ARHGEF28: variants seen among roughly 807,000 people sequenced by gnomAD.
The protein encoded by ARHGEF28 is Rho guanine nucleotide exchange factor 28.
ARHGEF28 carries 152 observed loss-of-function variants against 206.6 expected under a neutral mutation model. The observed-to-expected ratio is 0.74, with a 90% confidence interval of 0.64 to 0.84. The LOEUF (loss-of-function observed/expected upper bound fraction) is 0.84. Ranked by LOEUF, ARHGEF28 falls within the 40% of genes least tolerant of loss-of-function variation. The probability of loss-of-function intolerance (pLI) is 0.00; values close to 1 mark genes in which losing one functional copy is unlikely to be tolerated. For synonymous variants in ARHGEF28, 763 were observed against 776.4 expected, an observed-to-expected ratio of 0.98 and a Z score of 0.29; for missense variants, 2,028 against 2,073.2, an observed-to-expected ratio of 0.98 and a Z score of 0.42.
chr5:73,711,128 T>C (rs527663963), intron 2 of ARHGEF28, among the ~76,000 whole-genome samples: 11 of 152,340 alleles, frequency 7.2e-5, no homozygotes, highest in African/African-American at 1.4e-4. Flanking sequence ...CTGATTTTAT[T>C]ATTTTAACGT....
intron 35 of ARHGEF28, among the ~76,000 whole-genome samples, chr5:73,921,116 G>C (rs554115534): frequency 6.6e-6 from 1 of 152,150 alleles, no homozygotes; most frequent in Non-Finnish European, 1.5e-5. Flanking sequence ...TATTTGTTTA[G>C]TTAAATATGC....
intron 15 of ARHGEF28, 125 bp from the exon 16 acceptor site, chr5:73,857,962 A>C: frequency 7.0e-7 from 1 of 1,432,948 alleles, no homozygotes; most frequent in Non-Finnish European, 9.4e-7. Context: ...CTCTGTGTGC[A>C]GTCCTTATAT....
At chr5:73,650,038 C>T (rs1398694715) in intron 1 of ARHGEF28, among the ~76,000 whole-genome samples, 4 of 152,106 alleles carry the variant, frequency 2.6e-5, no homozygotes, top group African/African-American at 9.7e-5. Flanking sequence ...AATCCCACTG[C>T]CAGGGTTGTG....
chr5:73,768,073 A>G (rs1753005289), intron 4 of ARHGEF28, among the ~76,000 whole-genome samples: 1 of 152,228 alleles, frequency 6.6e-6, no homozygotes, highest in African/African-American at 2.4e-5. Context: ...ACAGAAGTCA[A>G]GAATTGAGGT....
At chr5:73,823,806 A>C (rs1756735313) in intron 9 of ARHGEF28, among the ~76,000 whole-genome samples, 1 of 152,238 alleles carries the variant, frequency 6.6e-6, no homozygotes, top group Non-Finnish European at 1.5e-5. Context: ...TTTGAACTAC[A>C]TAGCAGAGTG....
intron 7 of ARHGEF28, among the ~76,000 whole-genome samples, chr5:73,791,921 G>C (rs556233838): frequency 6.6e-6 from 1 of 152,260 alleles, no homozygotes; most frequent in East Asian, 1.9e-4. Context: ...TCTGCTAAAG[G>C]TTGCTATAGC....
At chr5:73,825,445 G>A (rs556565473) in intron 9 of ARHGEF28, among the ~76,000 whole-genome samples, 2 of 152,282 alleles carry the variant, frequency 1.3e-5, no homozygotes, top group South Asian at 4.1e-4. Context: ...CAGGGCTTCC[G>A]AGAGGCTGGG....
intron 7 of ARHGEF28, 77 bp from the exon 8 acceptor site, chr5:73,794,323 TAC>T: frequency 8.1e-7 from 1 of 1,228,614 alleles, no homozygotes. Context: ...GCAACTCATT[TAC>T]ACTTGTCAGC....
At chr5:73,760,487 G>T (rs996962208) in intron 4 of ARHGEF28, among the ~76,000 whole-genome samples, 1 of 152,086 alleles carries the variant, frequency 6.6e-6, no homozygotes, top group African/African-American at 2.4e-5. Flanking sequence ...CACCTTTTCT[G>T]ACATTTCAAG....
intron 1 of ARHGEF28, among the ~76,000 whole-genome samples, chr5:73,632,886 T>A (rs1743457376): frequency 6.6e-6 from 1 of 152,130 alleles, no homozygotes; most frequent in Non-Finnish European, 1.5e-5. Context: ...GGGGATGGTT[T>A]CAGGATGATT....
intron 2 of ARHGEF28, among the ~76,000 whole-genome samples, chr5:73,718,192 A>G (rs1471447880): frequency 6.6e-6 from 1 of 152,128 alleles, no homozygotes; most frequent in Non-Finnish European, 1.5e-5. Flanking sequence ...TTTGGTATGT[A>G]TACTAGTTAG....
intron 33 of ARHGEF28, among the ~76,000 whole-genome samples, chr5:73,907,230 G>A (rs1477104327): frequency 6.6e-6 from 1 of 152,130 alleles, no homozygotes; most frequent in Non-Finnish European, 1.5e-5. Context: ...ATTAACTTGG[G>A]GGATGAAAAC....
intron 35 of ARHGEF28, among the ~76,000 whole-genome samples, chr5:73,922,353 G>A (rs1169936401): frequency 6.6e-6 from 1 of 152,238 alleles, no homozygotes; most frequent in Non-Finnish European, 1.5e-5. Flanking sequence ...GATTCAGAAA[G>A]GAGACATGTT....
At chr5:73,876,233 G>C (rs1044172638) in intron 22 of ARHGEF28, among the ~76,000 whole-genome samples, 2 of 128,680 alleles carry the variant, frequency 1.6e-5, no homozygotes, top group African/African-American at 6.2e-5. Flanking sequence ...TCTGTTATTG[G>C]TGTATAAGAA....
At chr5:73,763,628 G>C (rs1210101970) in intron 4 of ARHGEF28, among the ~76,000 whole-genome samples, 1 of 152,156 alleles carries the variant, frequency 6.6e-6, no homozygotes, top group African/African-American at 2.4e-5. Flanking sequence ...AGCTCATCTG[G>C]GGTATAAGGG....
At chr5:73,768,954 T>C (rs968476500) in intron 4 of ARHGEF28, among the ~76,000 whole-genome samples, 2 of 152,040 alleles carry the variant, frequency 1.3e-5, no homozygotes, top group Non-Finnish European at 2.9e-5. Context: ...CGAGATCTGA[T>C]AGTTTTCAAG....
chr5:73,642,821 A>AG (rs1744206599), intron 1 of ARHGEF28, among the ~76,000 whole-genome samples: 1 of 152,180 alleles, frequency 6.6e-6, no homozygotes, highest in African/African-American at 2.4e-5. Flanking sequence ...ATCATGCTCT[A>AG]ATATCTGTTC....
At chr5:73,700,092 G>A (rs1748504860) in intron 2 of ARHGEF28, among the ~76,000 whole-genome samples, 2 of 152,054 alleles carry the variant, frequency 1.3e-5, no homozygotes, top group South Asian at 4.2e-4. Context: ...TAAAATACTG[G>A]GATCAATCAC....
rs575725286 is a variant in ARHGEF28 at position 73,814,847 on chromosome 5, G to A, written c.1025-17491G>A. Among the ~76,000 whole-genome samples the A allele has an allele frequency of 7.4e-4, 112 of 152,198 alleles. 1 individual carries two copies. The South Asian group carries it at 0.012, about 16-fold the overall frequency. On this transcript the variant is annotated intron_variant, in intron 9 of 35. Coordinates refer to ENST00000513042, the MANE Select transcript of ARHGEF28 (RefSeq NM_001177693.2). The stretch of plus-strand genomic sequence containing the variant: ...TTGTTTGCTCTTTAGCTTAGATCAA[G>A]GCCAACCCCAGGAATAAGATGCATT...
Sources: allele counts gnomAD v4.1 joint callset (sites outside exome capture counted in the v4.1 genomes callset), GRCh38; gene constraint gnomAD v4.1.1; transcripts MANE v1.5; gene names NCBI Gene and HGNC (gene_info 2026-07-23, HGNC 2026-07-21).